Variants in SDE2 observed in about 807,000 individuals in gnomAD.
SDE2 encodes the protein splicing regulator SDE2.
Under a neutral mutation model 46.9 loss-of-function variants are expected in SDE2, and 31 were observed. The ratio of observed to expected loss-of-function variants is 0.66; its 90% CI spans 0.50 to 0.89. The LOEUF is 0.89. SDE2 is among the 40% of genes least tolerant of loss of function. The pLI is 0.00. For missense variants in SDE2, 542 were observed against 564.4 expected (o/e 0.96, Z 0.40); for synonymous variants, 205 against 204.3 (o/e 1.00, Z -0.03).
chr1:225,987,446 T>C (rs542835524), intron 6 of SDE2, among the ~76,000 whole-genome samples: 4 of 152,174 alleles, frequency 2.6e-5, no homozygotes, highest in Admixed American at 6.5e-5. Context: ...GGTCTTCACA[T>C]TCAGCTGAAA....
rs1656211683 is a variant in SDE2, at chr1:225,983,845, A to G, written c.*1457T>C. ...TCTGACCTCAATGGAATTAAAGTAGAAATCAGCAACAAGAAGATATTAAGA... is the reference window on the plus strand; with the variant it reads ...TCTGACCTCAATGGAATTAAAGTAGGAATCAGCAACAAGAAGATATTAAGA... On this transcript the variant is annotated 3_prime_UTR_variant, in exon 7 of 7. Transcript: ENST00000272091. 1.3e-5 allele frequency: 2 copies of G among 152,260 alleles called. No homozygotes were observed. Among genetic ancestry groups the G allele is most frequent in the African/African-American group, 4.8e-5 (2 of 41,472 alleles). 9.4% of individuals were successfully genotyped at this position (152,260 alleles called of 1,614,324 possible). A position where few individuals can be genotyped will look rare whatever the true frequency, so the allele number is the denominator to read the frequency against.
At position 225,992,573 on chromosome 1, in the gene SDE2, G is replaced by A. The variant is rs1320736097; in HGVS notation, c.351-6C>T. On this transcript the variant is annotated splice_region_variant and splice_polypyrimidine_tract_variant and intron_variant, in intron 3 of 6. Coordinates refer to ENST00000272091, the MANE Select transcript of SDE2 (RefSeq NM_152608.4). ...GTTTTACCCATTCAGCCATTCTGGG[G>A]ATGAGGGAGGAAGAGATATAACTGA... The A allele has an allele frequency of 2.5e-6, 4 of 1,587,838 alleles. No individual in the cohort carries two copies. In the Admixed American group the frequency reaches 5.0e-5, roughly 20 times the overall value.
At chr1:225,989,053 C>T (rs944744706) in intron 5 of SDE2, among the ~76,000 whole-genome samples, 3 of 151,952 alleles carry the variant, frequency 2.0e-5, no homozygotes, top group South Asian at 2.1e-4. Context: ...AATCCCAGCA[C>T]ATTGGGAGGC....
At position 225,988,176 on chromosome 1, in the gene SDE2, G is replaced by T; in HGVS notation, c.854C>A (p.Pro285Gln). 6.2e-7 allele frequency: 1 copy of T among 1,614,088 alleles called. No homozygotes were observed. Among genetic ancestry groups the T allele is most frequent in the Non-Finnish European group, 8.5e-7 (1 of 1,179,988 alleles). Reference protein sequence around the residue: ...DHGSPEQLQIPVTDSGRHILE... With the variant: ...DHGSPEQLQIQVTDSGRHILE... ...AATATGCCTCCCAGAGTCAGTCACC[G>T]GGATCTGCAGTTGTTCTGGTGATCC... The change falls in exon 6 of 7, where the codon CCG (proline) becomes CAG (glutamine). Residue 285 changes from proline to glutamine, a missense_variant. This residue lies in a region of SDE2 where 401 missense variants were observed against 437.8 expected (regional missense o/e 0.92). Coordinates refer to ENST00000272091, the MANE Select transcript of SDE2 (RefSeq NM_152608.4).
At chr1:225,991,779 C>T (rs924346494) in intron 4 of SDE2, among the ~76,000 whole-genome samples, 7 of 152,206 alleles carry the variant, frequency 4.6e-5, no homozygotes, top group Non-Finnish European at 1.0e-4. Flanking sequence ...TAATGAGAAT[C>T]ATTCACATTA....
intron 2 of SDE2, 99 bp downstream of exon 2, chr1:225,995,167 C>T (rs183310052): frequency 1.5e-6 from 1 of 653,290 alleles, no homozygotes; most frequent in Admixed American, 2.6e-5. Flanking sequence ...TAATTTAATA[C>T]CATGGCTAAA....
chr1:225,997,930 A>C (rs1271625914), intron 1 of SDE2, among the ~76,000 whole-genome samples: 3 of 151,886 alleles, frequency 2.0e-5, no homozygotes, highest in African/African-American at 7.2e-5. Flanking sequence ...CAGGAGTTCA[A>C]GACCTGGCCA....
At position 225,992,911 on chromosome 1, in the gene SDE2, G is replaced by A. The variant is rs753495460; in HGVS notation, c.330C>T (p.Arg110=). The change falls in exon 3 of 7, where the codon CGC becomes CGT. Residue 110 remains arginine (R), a synonymous_variant. Transcript: ENST00000272091. ...ACRDLSGRRL[R]DVNHEKAMAE... ...CTTACGCTTTTTCATGATTGACATC[G>A]CGTAGTCTCCTTCCACTGAGATCCC... 26 of 1,608,364 alleles carry A rather than the reference G, an allele frequency of 1.6e-5. No homozygotes were observed. Among genetic ancestry groups the A allele is most frequent in the East Asian group, 4.5e-5 (2 of 44,842 alleles).
chr1:225,990,443 C>T (rs1164573155), intron 5 of SDE2, among the ~76,000 whole-genome samples: 1 of 152,142 alleles, frequency 6.6e-6, no homozygotes, highest in Non-Finnish European at 1.5e-5. Context: ...CATTAAAATA[C>T]ACTCTATCTA....
At chr1:225,999,154 T>C (rs766957978) in intron 1 of SDE2, 39 bp downstream of exon 1, 2 of 1,564,394 alleles carry the variant, frequency 1.3e-6, no homozygotes, top group Non-Finnish European at 1.8e-6. Context: ...GCCACCTGTC[T>C]GCCTCTTTCT....
Position 225,984,339 on chromosome 1 carries a change from A to C in SDE2, c.*963T>G, listed in dbSNP as rs1177392890. ...GCAACTAAAGTAATGCTTAAAAGAAAATGTATAGCTTTAAATATGTATTTT... is the reference window on the plus strand; with the variant it reads ...GCAACTAAAGTAATGCTTAAAAGAACATGTATAGCTTTAAATATGTATTTT... On this transcript the variant is annotated 3_prime_UTR_variant, in exon 7 of 7. Coordinates refer to ENST00000272091, the MANE Select transcript of SDE2 (RefSeq NM_152608.4). 2 of 152,218 alleles carry C rather than the reference A, an allele frequency of 1.3e-5. No individual in the cohort carries two copies. Among genetic ancestry groups the C allele is most frequent in the Admixed American group, 1.3e-4 (2 of 15,284 alleles). 9.4% of individuals were successfully genotyped at this position (152,218 alleles called of 1,614,324 possible). A position where few individuals can be genotyped will look rare whatever the true frequency, so the allele number is the denominator to read the frequency against.
Position 225,984,294 on chromosome 1 carries a change from C to A in SDE2, c.*1008G>T, listed in dbSNP as rs1231304038. 6.6e-6 allele frequency: 1 copy of A among 151,522 alleles called. No individual in the cohort carries two copies. The allele number at this position is 151,522 out of a possible 1,614,324, so 9.4% of individuals were successfully genotyped here. A position where few individuals can be genotyped will look rare whatever the true frequency, so the allele number is the denominator to read the frequency against. On this transcript the variant is annotated 3_prime_UTR_variant, in exon 7 of 7. Coordinates refer to ENST00000272091, the MANE Select transcript of SDE2 (RefSeq NM_152608.4). The stretch of plus-strand genomic sequence containing the variant: ...TTAGAACTGAATAATAAAAATACGA[C>A]ATAATAAAATTGTAAAGTCGCAACT...
chr1:225,988,349 G>A lies in SDE2; in HGVS notation c.681C>T (p.Asn227=). The change falls in exon 6 of 7, where the codon AAC becomes AAT. Residue 227 remains asparagine, a synonymous_variant. Coordinates refer to ENST00000272091, the MANE Select transcript of SDE2 (RefSeq NM_152608.4). ...MEGLETAEGS[N]SESSDDDSEE... Reference sequence around the variant, plus strand: ...CACTGTCATCATCTGAACTCTCAGAGTTGGACCCTTCTGCAGTCTCTAGTC... The same window carrying A: ...CACTGTCATCATCTGAACTCTCAGAATTGGACCCTTCTGCAGTCTCTAGTC... 6.2e-7 allele frequency: 1 copy of A among 1,614,104 alleles called. No homozygotes were observed. The highest frequency in any genetic ancestry group is 8.5e-7 in the Non-Finnish European group (1 of 1,179,948).
chr1:225,993,130 T>TTA (rs61170616), intron 2 of SDE2, 128 bp from the exon 3 acceptor site: 2 of 512,712 alleles, frequency 3.9e-6, no homozygotes, highest in African/African-American at 2.0e-5. Flanking sequence ...TTTTTTTTTT[T>TTA]AAGAAAAGAT....
intron 4 of SDE2, among the ~76,000 whole-genome samples, chr1:225,991,835 C>T (rs1174964530): frequency 6.6e-6 from 1 of 152,228 alleles, no homozygotes; most frequent in African/African-American, 2.4e-5. Flanking sequence ...GTCTAGACAT[C>T]TTCTGAAGAC....
Position 225,988,074 on chromosome 1 carries a change from G to A in SDE2, c.956C>T (p.Thr319Ile). Residue 319 changes from threonine (T) to isoleucine (I), a missense_variant, in exon 6 of 7, where the codon ACC becomes ATC. Transcript: ENST00000272091. Reference protein sequence around the residue: ...ESRMVTETEETQEKKAESKEP... With the variant: ...ESRMVTETEEIQEKKAESKEP... The stretch of plus-strand genomic sequence containing the variant: ...TTTACTCTCTGCCTTCTTCTCCTGG[G>A]TCTCTTCTGTTTCTGTAACCATCCT... 2 of 1,614,010 alleles carry A rather than the reference G, an allele frequency of 1.2e-6. No individual in the cohort carries two copies. The highest frequency in any genetic ancestry group is 1.7e-6 in the Non-Finnish European group (2 of 1,179,980).
rs1313434132 is a variant in SDE2 at position 225,992,446 on chromosome 1, G to C, written c.472C>G (p.Gln158Glu). 1.2e-6 allele frequency: 2 copies of C among 1,613,524 alleles called. No individual in the cohort carries two copies. The highest frequency in any genetic ancestry group is 1.7e-5 in the Admixed American group (1 of 59,986). Reference sequence around the variant, plus strand: ...CGCTCAGCCATCTCATGGCACTGCTGCTGGTAGTCGGGGCTGGTGAAGCAG... The same window carrying C: ...CGCTCAGCCATCTCATGGCACTGCTCCTGGTAGTCGGGGCTGGTGAAGCAG... ...KHCFTSPDYQ[Q>E]QCHEMAERLE... Residue 158 changes from glutamine to glutamate, a missense_variant, in exon 4 of 7, where the codon CAG becomes GAG. Coordinates refer to ENST00000272091, the MANE Select transcript of SDE2 (RefSeq NM_152608.4).
chr1:225,995,351 G>C lies in SDE2; in HGVS notation c.153C>G (p.Cys51Trp), dbSNP rs950832330. 5.6e-6 allele frequency: 9 copies of C among 1,610,610 alleles called. No homozygotes were observed. The highest frequency in any genetic ancestry group is 7.6e-6 in the Non-Finnish European group (9 of 1,177,332). ...NVPVENFFVK[C>W]NGALINTSDT... ...CACTGGTGTTAATGAGTGCTCCATTGCATTTCACAAAGAAGTTTTCCACTG... is the reference window on the plus strand; with the variant it reads ...CACTGGTGTTAATGAGTGCTCCATTCCATTTCACAAAGAAGTTTTCCACTG... Residue 51 changes from cysteine to tryptophan, a missense_variant, in exon 2 of 7, where the codon TGC (cysteine) becomes TGG (tryptophan). Cys to Trp is a radical substitution (Grantham distance 215). Transcript: ENST00000272091.
At chr1:225,987,787 T>G (rs1576173632) in intron 6 of SDE2, 109 bp downstream of exon 6, 2 of 1,024,182 alleles carry the variant, frequency 2.0e-6, no homozygotes, top group East Asian at 4.8e-5. Context: ...TAAAATCAAA[T>G]AAGCCTTTCA....
Sources: gnomAD v4.1 joint callset for allele counts (sites outside exome capture counted in the v4.1 genomes callset) on GRCh38, gnomAD v4.1.1 for gene constraint, gnomAD v4.1.1 regional missense constraint, MANE v1.5 for transcripts, NCBI Gene and HGNC (gene_info 2026-07-23, HGNC 2026-07-21) for gene names.